The following FAM53C variants were observed in gnomAD, a reference collection of about 807,000 sequenced individuals.
FAM53C encodes the protein protein FAM53C.
In FAM53C, 10 loss-of-function variants were observed where a neutral mutation model predicts 34.7. That is an observed-to-expected ratio of 0.29 (90% CI 0.18 to 0.49). The LOEUF (loss-of-function observed/expected upper bound fraction) is 0.49, where lower values mean the gene tolerates loss of function less well. FAM53C is among the 20% of genes least tolerant of loss of function. The probability of loss-of-function intolerance (pLI) is 0.99; values close to 1 mark genes in which losing one functional copy is unlikely to be tolerated. For missense variants in FAM53C, 442 were observed against 515.3 expected, an observed-to-expected ratio of 0.86 and a Z score of 1.38; for synonymous variants, 203 against 203.6, an observed-to-expected ratio of 1.00 and a Z score of 0.03.
At chr5:138,337,972 C>T (rs1055183549), upstream of FAM53C, 11 of 1,289,614 alleles carry the variant, frequency 8.5e-6, no homozygotes, top group South Asian at 1.2e-5. Context: ...CCGACATGGC[C>T]TCCCCCGCGG....
At chr5:138,338,244 C>A (rs1475372725), upstream of FAM53C, 1 of 1,172,762 alleles carries the variant, frequency 8.5e-7, no homozygotes, top group Non-Finnish European at 1.1e-6. Context: ...TTTAAGGGCA[C>A]CGTGGGGCGA....
Position 138,341,409 on chromosome 5 carries a change from G to T in FAM53C, c.74G>T (p.Ser25Ile), listed in dbSNP as rs371912705. The T allele has an allele frequency of 1.2e-6, 2 of 1,613,832 alleles. No homozygotes were observed. Among genetic ancestry groups the T allele is most frequent in the Non-Finnish European group, 8.5e-7 (1 of 1,179,820 alleles). ...DELKCTRFSI[S>I]LPLPDHADIS... The stretch of plus-strand genomic sequence containing the variant: ...CTGAAATGCACACGCTTCAGCATCA[G>T]TCTGGTAAAAGACCAGTCTTCCTGC... Residue 25 changes from serine to isoleucine, a missense_variant, in exon 2 of 5, where the codon AGT (serine) becomes ATT (isoleucine). By Grantham distance (142) the Ser-to-Ile change is moderately radical. Coordinates refer to ENST00000239906, the MANE Select transcript of FAM53C (RefSeq NM_016605.3).
At position 138,346,795 on chromosome 5, in the gene FAM53C, C is replaced by A; in HGVS notation, c.1015C>A (p.Leu339Ile). The change falls in exon 5 of 5, where the codon CTC becomes ATC. Residue 339 changes from leucine to isoleucine, a missense_variant. Coordinates refer to ENST00000239906, the MANE Select transcript of FAM53C (RefSeq NM_016605.3). Reference sequence around the variant, plus strand: ...GTTCATGGCCTGTAGCCCCCCACCCCTCTCTGCTTCCTGCAGCCCCACTGG... The same window carrying A: ...GTTCATGGCCTGTAGCCCCCCACCCATCTCTGCTTCCTGCAGCCCCACTGG... Reference protein sequence around the residue: ...PWFMACSPPPLSASCSPTGGS... With the variant: ...PWFMACSPPPISASCSPTGGS... 6.2e-7 allele frequency: 1 copy of A among 1,614,200 alleles called. No individual in the cohort carries two copies. The highest frequency in any genetic ancestry group is 8.5e-7 in the Non-Finnish European group (1 of 1,180,036).
chr5:138,338,132 AC>A (rs1760847120), upstream of FAM53C: 1 of 1,289,652 alleles, frequency 7.8e-7, no homozygotes, highest in South Asian at 1.2e-5. Context: ...TGAGAGAGAC[AC>A]GACACGGAGC....
At position 138,342,084 on chromosome 5, in the gene FAM53C, A is replaced by G. The variant is rs1035401292; in HGVS notation, c.136+218A>G. On this transcript the variant is annotated intron_variant, in intron 3 of 4. Transcript: ENST00000239906. Reference sequence around the variant, plus strand: ...GCTTTGTGGGGACTTGTATAATCTAATTTTTTGAATAGGTAATACATTCAC... The same window carrying G: ...GCTTTGTGGGGACTTGTATAATCTAGTTTTTTGAATAGGTAATACATTCAC... The G allele has an allele frequency of 6.2e-5, 32 of 516,962 alleles. No individual in the cohort carries two copies. In the South Asian group the frequency reaches 1.1e-3, roughly 17 times the overall value. 32.0% of individuals were successfully genotyped at this position (516,962 alleles called of 1,614,324 possible). A position where few individuals can be genotyped will look rare whatever the true frequency, so the allele number is the denominator to read the frequency against.
Position 138,341,791 on chromosome 5 carries a change from A to T in FAM53C, c.79-18A>T, listed in dbSNP as rs751050336. On this transcript the variant is annotated intron_variant, in intron 2 of 4. Transcript: ENST00000239906. Reference sequence around the variant, plus strand: ...GTGTCCTGAATCCAAATCATGATGGATATTCTCTCTTTCTTAGCCTTTGCC... The same window carrying T: ...GTGTCCTGAATCCAAATCATGATGGTTATTCTCTCTTTCTTAGCCTTTGCC... 32 of 1,612,850 alleles carry T rather than the reference A, an allele frequency of 2.0e-5. No individual in the cohort carries two copies. The East Asian group carries it at 5.1e-4, about 26-fold the overall frequency.
chr5:138,337,971 C>A, upstream of FAM53C: 1 of 1,289,560 alleles, frequency 7.8e-7, no homozygotes, highest in Non-Finnish European at 1.0e-6. Flanking sequence ...TCCGACATGG[C>A]CTCCCCCGCG....
chr5:138,347,199 G>A lies in FAM53C; in HGVS notation c.*240G>A. The A allele has an allele frequency of 1.8e-6, 1 of 562,140 alleles. No homozygotes were observed. Among genetic ancestry groups the A allele is most frequent in the Non-Finnish European group, 3.1e-6 (1 of 322,086 alleles). 34.8% of individuals were successfully genotyped at this position (562,140 alleles called of 1,614,324 possible). A position where few individuals can be genotyped will look rare whatever the true frequency, so the allele number is the denominator to read the frequency against. On this transcript the variant is annotated 3_prime_UTR_variant, in exon 5 of 5. Coordinates refer to ENST00000239906, the MANE Select transcript of FAM53C (RefSeq NM_016605.3). ...CCCAGAGCAGACCCTTCCTATGGCGGCCCTGAGTGTGAGTATCCCTGCCAC... is the reference window on the plus strand; with the variant it reads ...CCCAGAGCAGACCCTTCCTATGGCGACCCTGAGTGTGAGTATCCCTGCCAC...
At chr5:138,346,147 G>T (rs997359023) in intron 4 of FAM53C, among the ~76,000 whole-genome samples, 3 of 152,150 alleles carry the variant, frequency 2.0e-5, no homozygotes, top group African/African-American at 7.2e-5. Flanking sequence ...AGACCACTAG[G>T]TTACAAACCT....
At position 138,346,710 on chromosome 5, in the gene FAM53C, C is replaced by T. The variant is rs1369506734; in HGVS notation, c.930C>T (p.Tyr310=). ...LDFDKMNQKP[Y]SGGLCLQETA... ...CTTTGTTTGTTTGACAGAAACCATA[C>T]TCAGGAGGTCTTTGTCTCCAAGAAA... Residue 310 remains tyrosine, a synonymous_variant, in exon 5 of 5, where the codon TAC becomes TAT. Transcript: ENST00000239906. The T allele has an allele frequency of 6.2e-7, 1 of 1,614,060 alleles. No individual in the cohort carries two copies. Among genetic ancestry groups the T allele is most frequent in the African/African-American group, 1.3e-5 (1 of 74,950 alleles).
chr5:138,347,187 C>T lies in FAM53C; in HGVS notation c.*228C>T. 2 of 592,732 alleles carry T rather than the reference C, an allele frequency of 3.4e-6. No individual in the cohort carries two copies. 36.7% of individuals were successfully genotyped at this position (592,732 alleles called of 1,614,324 possible). A position where few individuals can be genotyped will look rare whatever the true frequency, so the allele number is the denominator to read the frequency against. ...GGGAGGGACAGCCCCAGAGCAGACC[C>T]TTCCTATGGCGGCCCTGAGTGTGAG... On this transcript the variant is annotated 3_prime_UTR_variant, in exon 5 of 5. Transcript: ENST00000239906.
intron 2 of FAM53C, 161 bp downstream of exon 2, chr5:138,341,574 A>G (rs563063108): frequency 5.3e-5 from 42 of 790,354 alleles, no homozygotes; most frequent in Non-Finnish European, 8.5e-5. Context: ...GGAAGGGGGC[A>G]GGGATTTTTC....
chr5:138,345,447 A>C lies in FAM53C; in HGVS notation c.759A>C (p.Ala253=). Residue 253 remains alanine (A), a synonymous_variant, in exon 4 of 5, where the codon GCA becomes GCC. Transcript: ENST00000239906. This position sits in a 1 kb window ranked among gnomAD's most constrained non-coding sequence, Gnocchi z 6.3. Reference sequence around the variant, plus strand: ...TGCCCTCTGCCCGGAGCTCTCCCGCATCCTCCCCAGAGCTGCCCTGGCGAC... The same window carrying C: ...TGCCCTCTGCCCGGAGCTCTCCCGCCTCCTCCCCAGAGCTGCCCTGGCGAC... ...RFLPSARSSP[A]SSPELPWRPR... is the part of the protein sequence containing the mutation. 1 of 1,613,836 alleles carries C rather than the reference A, an allele frequency of 6.2e-7. No individual in the cohort carries two copies. Among genetic ancestry groups the C allele is most frequent in the Non-Finnish European group, 8.5e-7 (1 of 1,180,008 alleles).
intron 1 of FAM53C, among the ~76,000 whole-genome samples, chr5:138,339,796 A>T (rs1448728696): frequency 6.6e-6 from 1 of 152,216 alleles, no homozygotes; most frequent in Admixed American, 6.5e-5. Flanking sequence ...TGTAATGATG[A>T]TTGACTTCTC....
Position 138,345,295 on chromosome 5 carries a change from T to C in FAM53C, c.607T>C (p.Ser203Pro). 1 of 1,614,182 alleles carries C rather than the reference T, an allele frequency of 6.2e-7. No individual in the cohort carries two copies. Among genetic ancestry groups the C allele is most frequent in the Non-Finnish European group, 8.5e-7 (1 of 1,180,024 alleles). ...CAGCCTGGCCCTGGCCCAAGATTCC[T>C]CTCGACCCTGCGCCGCCTCCCCTCA... ...FFSLALAQDS[S>P]RPCAASPQSG... Residue 203 changes from serine to proline, a missense_variant, in exon 4 of 5, where the codon TCT becomes CCT. Ser to Pro is a moderately conservative substitution (Grantham distance 74, BLOSUM62 -1). Coordinates refer to ENST00000239906, the MANE Select transcript of FAM53C (RefSeq NM_016605.3). The surrounding 1 kb of genome is among the most constrained non-coding windows in gnomAD (Gnocchi z 6.3).
chr5:138,343,141 A>T (rs1441462468), intron 3 of FAM53C: 1 of 152,116 alleles, frequency 6.6e-6, no homozygotes, highest in African/African-American at 2.4e-5. Flanking sequence ...TACACTGCAT[A>T]GATGTACAGT....
intron 3 of FAM53C, among the ~76,000 whole-genome samples, chr5:138,343,355 C>A (rs1761084255): frequency 6.6e-6 from 1 of 151,678 alleles, no homozygotes; most frequent in South Asian, 2.1e-4. Flanking sequence ...ATTAAAAATA[C>A]AAAAATTAGC....
At chr5:138,344,348 G>A (rs62380931) in intron 3 of FAM53C, among the ~76,000 whole-genome samples, 19,346 of 152,286 alleles carry the variant, frequency 0.13, 1,664 homozygotes, top group South Asian at 0.25. Flanking sequence ...ACTTGGTGCT[G>A]TTGACACATG....
intron 1 of FAM53C, among the ~76,000 whole-genome samples, chr5:138,339,954 C>T (rs1012807359): frequency 2.0e-5 from 3 of 152,122 alleles, no homozygotes; most frequent in African/African-American, 7.2e-5. Context: ...AGGAAGAGCC[C>T]TCTTGGGCTT....
Sources: allele counts gnomAD v4.1 joint callset (sites outside exome capture counted in the v4.1 genomes callset), GRCh38; gene constraint gnomAD v4.1.1; non-coding constraint Gnocchi (gnomAD v3.1); transcripts MANE v1.5; gene names NCBI Gene and HGNC (gene_info 2026-07-23, HGNC 2026-07-21).